REV1: variants seen among roughly 807,000 people sequenced by gnomAD.
REV1 encodes the protein translesion synthesis protein REV1.
Under a neutral mutation model 137.4 loss-of-function variants are expected in REV1, and 42 were observed. The observed-to-expected ratio is 0.31, with a 90% CI of 0.24 to 0.40. The LOEUF (loss-of-function observed/expected upper bound fraction) is 0.40. Ranked by LOEUF, REV1 falls within the 10% of genes least tolerant of loss-of-function variation. REV1 has a pLI of 1.00. For synonymous variants in REV1, 524 were observed against 519.2 expected (o/e 1.01, Z -0.12); for missense variants, 1,282 against 1,490.1 (o/e 0.86, Z 2.30).
At chr2:99,475,433 A>G (rs929042488) in intron 1 of REV1, among the ~76,000 whole-genome samples, 3 of 152,230 alleles carry the variant, frequency 2.0e-5, no homozygotes, top group African/African-American at 7.2e-5. Context: ...GCCAGGGCAA[A>G]TATTTAGGAG....
At chr2:99,464,746 AG>A (rs1275021748) in intron 2 of REV1, among the ~76,000 whole-genome samples, 175 bp downstream of exon 2, 3 of 152,196 alleles carry the variant, frequency 2.0e-5, no homozygotes, top group African/African-American at 7.2e-5. Context: ...CTGAGAGTAA[AG>A]TTTAGGGGAT....
At chr2:99,463,687 C>T (rs1419791808) in intron 2 of REV1, among the ~76,000 whole-genome samples, 2 of 152,016 alleles carry the variant, frequency 1.3e-5, no homozygotes, top group African/African-American at 2.4e-5. Flanking sequence ...TGCAGTGGCA[C>T]GATCTCAGCT....
At chr2:99,478,075 T>C (rs1686185580) in intron 1 of REV1, among the ~76,000 whole-genome samples, 2 of 151,878 alleles carry the variant, frequency 1.3e-5, no homozygotes, top group South Asian at 4.2e-4. Flanking sequence ...TTTATAAAAA[T>C]ACAAAAATTA....
intron 9 of REV1, among the ~76,000 whole-genome samples, chr2:99,427,413 A>G (rs1679532481): frequency 6.6e-6 from 1 of 152,216 alleles, no homozygotes; most frequent in South Asian, 2.1e-4. Context: ...CTGTAAGTAT[A>G]GGCCAACTAC....
chr2:99,487,343 A>AT lies in REV1; in HGVS notation c.-11+2473dup, dbSNP rs1380851925. On this transcript the variant is annotated intron_variant, in intron 1 of 22. Transcript: ENST00000258428. ...GCAAGAAAGTGACAATCTGATTTAC[A>AT]TTTTTAAAAAGATCCCTCTGGTTGT... 1.2e-4 allele frequency among the ~76,000 whole-genome samples: 7 copies of AT among 60,280 alleles called. 3 individuals are homozygous for AT. The highest frequency in any genetic ancestry group is 2.6e-4 in the Non-Finnish European group (7 of 27,250). The allele number at this position is 60,280 out of a possible 152,430, so 39.5% of individuals were successfully genotyped here.
At chr2:99,451,356 C>A in intron 3 of REV1, 1 of 1,277,340 alleles carries the variant, frequency 7.8e-7, no homozygotes, top group Non-Finnish European at 1.0e-6. Flanking sequence ...CGTCTACTAG[C>A]TGCTCTTTGA....
intron 3 of REV1, among the ~76,000 whole-genome samples, chr2:99,459,961 G>A (rs1683995411): frequency 6.6e-6 from 1 of 152,228 alleles, no homozygotes; most frequent in Admixed American, 6.5e-5. Flanking sequence ...TACAGTTTGT[G>A]GGGAGCATGG....
At chr2:99,433,294 C>T (rs143596477) in intron 8 of REV1, among the ~76,000 whole-genome samples, 6 of 152,248 alleles carry the variant, frequency 3.9e-5, no homozygotes, top group African/African-American at 1.4e-4. Flanking sequence ...CTACTCATGA[C>T]ACACAAAATT....
chr2:99,420,167 T>G (rs1678472391), intron 11 of REV1, among the ~76,000 whole-genome samples: 1 of 152,028 alleles, frequency 6.6e-6, no homozygotes, highest in South Asian at 2.1e-4. Flanking sequence ...CATCAGGGGG[T>G]AAAAGGTAGG....
At chr2:99,463,448 G>A (rs1296543404) in intron 2 of REV1, among the ~76,000 whole-genome samples, 3 of 152,138 alleles carry the variant, frequency 2.0e-5, no homozygotes, top group South Asian at 2.1e-4. Context: ...GAACCCAGAA[G>A]GTGGAGGTTG....
intron 1 of REV1, among the ~76,000 whole-genome samples, chr2:99,472,845 G>A (rs1685568821): frequency 6.6e-6 from 1 of 152,194 alleles, no homozygotes; most frequent in Non-Finnish European, 1.5e-5. Flanking sequence ...CTCTTATTCT[G>A]TCCTTTAATG....
chr2:99,435,854 C>A lies in REV1; in HGVS notation c.1301G>T (p.Arg434Leu). 6.3e-7 allele frequency: 1 copy of A among 1,590,524 alleles called. No individual in the cohort carries two copies. Among genetic ancestry groups the A allele is most frequent in the Non-Finnish European group, 8.6e-7 (1 of 1,160,258 alleles). Reference protein sequence around the residue: ...MDCFFVSVGIRNRPDLKGKPV... With the variant: ...MDCFFVSVGILNRPDLKGKPV... Reference sequence around the variant, plus strand: ...CAGACCTTTGAGATCTGGTCTATTTCGTATACCCACTGATACAAAGAAGCA... The same window carrying A: ...CAGACCTTTGAGATCTGGTCTATTTAGTATACCCACTGATACAAAGAAGCA... Residue 434 changes from arginine to leucine, a missense_variant, in exon 7 of 23, where the codon CGA becomes CTA. Arg to Leu is a moderately radical substitution (Grantham distance 102). This residue lies in a region of REV1 where 432 missense variants were observed against 438.0 expected (regional missense o/e 0.99). Coordinates refer to ENST00000258428, the MANE Select transcript of REV1 (RefSeq NM_016316.4).
chr2:99,420,922 G>A (rs1431746262), intron 11 of REV1, among the ~76,000 whole-genome samples: 1 of 152,214 alleles, frequency 6.6e-6, no homozygotes, highest in East Asian at 1.9e-4. Flanking sequence ...GTGACTCAGG[G>A]AAGCTTAAGT....
intron 4 of REV1, among the ~76,000 whole-genome samples, chr2:99,448,106 C>T (rs139375788): frequency 1.2e-3 from 185 of 152,258 alleles, no homozygotes; most frequent in East Asian, 9.1e-3. Flanking sequence ...TTTTCCACCA[C>T]GCTGCTTCTC....
intron 10 of REV1, among the ~76,000 whole-genome samples, chr2:99,422,141 G>A (rs890062444): frequency 6.6e-6 from 1 of 152,190 alleles, no homozygotes; most frequent in African/African-American, 2.4e-5. Flanking sequence ...TCCACTCACT[G>A]TAGCAGGCCT....
chr2:99,406,494 G>C lies in REV1; in HGVS notation c.2449-4C>G, dbSNP rs1386087312. ...ACTGATTCACGTGAATCCCAACCTA[G>C]AACCCAGAATAAAGAGTATGCTTCT... On this transcript the variant is annotated splice_polypyrimidine_tract_variant and splice_region_variant and intron_variant, in intron 15 of 22. Transcript: ENST00000258428. The C allele has an allele frequency of 1.3e-6, 2 of 1,590,314 alleles. No individual in the cohort carries two copies. Among genetic ancestry groups the C allele is most frequent in the Non-Finnish European group, 1.7e-6 (2 of 1,167,436 alleles).
chr2:99,457,909 T>C (rs913030698), intron 3 of REV1, among the ~76,000 whole-genome samples: 6 of 151,906 alleles, frequency 3.9e-5, no homozygotes, highest in Non-Finnish European at 7.4e-5. Context: ...CCTAACTGAC[T>C]GTGTTGCAAC....
Position 99,421,667 on chromosome 2 carries a change from G to A in REV1, c.1677-14C>T, listed in dbSNP as rs1018165938. The A allele has an allele frequency of 6.2e-7, 1 of 1,602,708 alleles. No individual in the cohort carries two copies. Among genetic ancestry groups the A allele is most frequent in the Non-Finnish European group, 8.5e-7 (1 of 1,174,414 alleles). On this transcript the variant is annotated splice_polypyrimidine_tract_variant and intron_variant, in intron 10 of 22. Coordinates refer to ENST00000258428, the MANE Select transcript of REV1 (RefSeq NM_016316.4). ...TTATGAGTGTAGCTATCAACACAGA[G>A]CAAAGGCAACGAATCACAGCCACAG... is the stretch of plus-strand genomic sequence containing the variant.
chr2:99,421,621 T>C lies in REV1; in HGVS notation c.1709A>G (p.Asp570Gly). ...YTHNIEAVSC[D>G]EALVDITEIL... is the part of the protein sequence containing the mutation. Reference sequence around the variant, plus strand: ...TTCGGTAATGTCTACCAGCGCTTCATCACAACTGACAGCTTCAATGTTATG... The same window carrying C: ...TTCGGTAATGTCTACCAGCGCTTCACCACAACTGACAGCTTCAATGTTATG... The change falls in exon 11 of 23, where the codon GAT becomes GGT. Residue 570 changes from aspartate to glycine, a missense_variant. Transcript: ENST00000258428. The C allele has an allele frequency of 6.2e-7, 1 of 1,614,100 alleles. No individual in the cohort carries two copies. Among genetic ancestry groups the C allele is most frequent in the African/African-American group, 1.3e-5 (1 of 75,050 alleles).
Sources: allele counts gnomAD v4.1 joint callset (sites outside exome capture counted in the v4.1 genomes callset), GRCh38; gene constraint gnomAD v4.1.1; regional missense constraint gnomAD v4.1.1; transcripts MANE v1.5; gene names NCBI Gene and HGNC (gene_info 2026-07-23, HGNC 2026-07-21).